Variants in AGBL1 observed in about 807,000 individuals in gnomAD.
The protein encoded by AGBL1 is AGBL carboxypeptidase 1, also known as cytosolic carboxypeptidase 4.
A neutral mutation model predicts 118.9 loss-of-function variants in AGBL1; 130 were observed. That is an observed-to-expected ratio of 1.09 (90% CI 0.95 to 1.26). The LOEUF (loss-of-function observed/expected upper bound fraction) is 1.26. Ranked by LOEUF, AGBL1 falls within the 50% of genes most tolerant of loss-of-function variation. The probability of loss-of-function intolerance (pLI) is 0.00; values close to 1 mark genes in which losing one functional copy is unlikely to be tolerated. For missense variants in AGBL1, 1,584 were observed against 1,298.1 expected (o/e 1.22, Z -3.38); for synonymous variants, 555 against 478.9 (o/e 1.16, Z -2.08).
At chr15:86,358,493 G>T (rs1038569098) in intron 17 of AGBL1, among the ~76,000 whole-genome samples, 3 of 151,994 alleles carry the variant, frequency 2.0e-5, no homozygotes, top group African/African-American at 7.2e-5. Flanking sequence ...TAAACATGGG[G>T]GTGCAGATAT....
At chr15:86,686,631 G>T (rs781576722) in intron 22 of AGBL1, among the ~76,000 whole-genome samples, 1 of 151,798 alleles carries the variant, frequency 6.6e-6, no homozygotes. Flanking sequence ...TAGATACAAG[G>T]TTTCACCATG....
intron 22 of AGBL1, among the ~76,000 whole-genome samples, chr15:86,824,855 C>G (rs896829075): frequency 1.2e-4 from 19 of 152,084 alleles, no homozygotes; most frequent in Admixed American, 1.2e-3. Context: ...GTCAGGAGTT[C>G]AAGAGCAGCC....
chr15:86,730,225 C>G (rs1428756740), intron 22 of AGBL1, among the ~76,000 whole-genome samples: 1 of 152,014 alleles, frequency 6.6e-6, no homozygotes, highest in Non-Finnish European at 1.5e-5. Context: ...ACCAAGTCTT[C>G]AAAAGCAATT....
intron 5 of AGBL1, among the ~76,000 whole-genome samples, chr15:86,203,084 G>A (rs1338097877): frequency 6.6e-6 from 1 of 151,898 alleles, no homozygotes; most frequent in Non-Finnish European, 1.5e-5. Context: ...ATCTGTCTCT[G>A]AAAATAAAAA....
intron 18 of AGBL1, among the ~76,000 whole-genome samples, chr15:86,506,374 C>A (rs796592249): frequency 2.6e-5 from 4 of 151,978 alleles, no homozygotes; most frequent in African/African-American, 9.6e-5. Flanking sequence ...CATTGGTTGC[C>A]CAACAGTTTT....
chr15:86,874,635 G>C (rs1181417519), intron 22 of AGBL1, among the ~76,000 whole-genome samples: 1 of 152,128 alleles, frequency 6.6e-6, no homozygotes, highest in Non-Finnish European at 1.5e-5. Context: ...ATCCCTCTAT[G>C]TGGAGTAAGG....
chr15:86,987,320 A>G lies in AGBL1; in HGVS notation c.3222-667A>G, dbSNP rs961534809. Among the ~76,000 whole-genome samples the G allele has an allele frequency of 1.3e-5, 2 of 152,176 alleles. 1 individual carries two copies. The highest frequency in any genetic ancestry group is 1.3e-4 in the Admixed American group (2 of 15,280). On this transcript the variant is annotated intron_variant, in intron 23 of 24. Transcript: ENST00000441037. ...TTACAATTGCTATTGCTAGTACATA[A>G]AAAGACAGTTGATTTTTGTACATTG...
At chr15:86,229,515 G>A (rs1375728966) in intron 6 of AGBL1, among the ~76,000 whole-genome samples, 1 of 152,074 alleles carries the variant, frequency 6.6e-6, no homozygotes, top group African/African-American at 2.4e-5. Context: ...AGATTTGGGC[G>A]GGGACACAGC....
At chr15:86,427,962 A>T (rs1489675054) in intron 18 of AGBL1, among the ~76,000 whole-genome samples, 2 of 152,208 alleles carry the variant, frequency 1.3e-5, no homozygotes, top group Non-Finnish European at 2.9e-5. Flanking sequence ...GAGAAGTAAC[A>T]TACAAAATGG....
In AGBL1 at chr15:86,573,568, C is replaced by G. The variant is rs148262382; in HGVS notation, c.2994+19031C>G. Among the ~76,000 whole-genome samples the G allele has an allele frequency of 7.5e-4, 114 of 152,222 alleles. 1 individual carries two copies. Among genetic ancestry groups the G allele is most frequent in the Admixed American group, 6.0e-3 (91 of 15,292 alleles). On this transcript the variant is annotated intron_variant, in intron 21 of 22. Transcript: ENST00000614907. ...GGAAGTCCTTGATTTTTCTTTTATC[C>G]TAGTTGTCTTTCATCCTACTTCCTC... is the stretch of plus-strand genomic sequence containing the variant.
intron 20 of AGBL1, 24 bp from the exon 21 acceptor site, chr15:86,554,337 G>A (rs769799229): frequency 2.0e-5 from 30 of 1,530,428 alleles, no homozygotes; most frequent in Middle Eastern, 1.7e-4. Context: ...ACTAATCATC[G>A]TTTGATTTTT....
At chr15:86,751,558 C>A (rs1216912766) in intron 22 of AGBL1, among the ~76,000 whole-genome samples, 4 of 152,028 alleles carry the variant, frequency 2.6e-5, no homozygotes, top group Non-Finnish European at 2.9e-5. Flanking sequence ...AGCTTCTGCA[C>A]AGAAAAAGAA....
intron 5 of AGBL1, among the ~76,000 whole-genome samples, chr15:86,165,325 T>C (rs1038224413): frequency 2.0e-5 from 3 of 152,164 alleles, no homozygotes; most frequent in Admixed American, 6.5e-5. Flanking sequence ...TTTCTGGTGA[T>C]TTCATCTGCA....
At chr15:86,227,959 G>A (rs947855530) in intron 6 of AGBL1, among the ~76,000 whole-genome samples, 1 of 152,170 alleles carries the variant, frequency 6.6e-6, no homozygotes, top group Non-Finnish European at 1.5e-5. Flanking sequence ...GCAAGAAAGA[G>A]GACTTCATTT....
intron 1 of AGBL1, among the ~76,000 whole-genome samples, chr15:86,141,484 T>C (rs1259464748): frequency 6.6e-6 from 1 of 152,116 alleles, no homozygotes; most frequent in Non-Finnish European, 1.5e-5. Context: ...AACTTGTCTC[T>C]ACTAAAAACA....
chr15:86,268,193 C>T, intron 13 of AGBL1, among the ~76,000 whole-genome samples: 2 of 152,184 alleles, frequency 1.3e-5, no homozygotes, highest in South Asian at 2.1e-4. Flanking sequence ...GAAGTTCTTC[C>T]TCTTTGGGGG....
At chr15:86,441,447 G>A (rs2082063540) in intron 18 of AGBL1, among the ~76,000 whole-genome samples, 1 of 152,162 alleles carries the variant, frequency 6.6e-6, no homozygotes, top group Non-Finnish European at 1.5e-5. Flanking sequence ...AGCACACATA[G>A]TGGACTGCTT....
chr15:86,384,926 T>G (rs2081161899), intron 17 of AGBL1, among the ~76,000 whole-genome samples: 1 of 152,162 alleles, frequency 6.6e-6, no homozygotes, highest in Non-Finnish European at 1.5e-5. Context: ...TGTTATTCAT[T>G]TTCTCAGTGT....
chr15:86,231,936 C>T (rs1038074216), intron 6 of AGBL1, among the ~76,000 whole-genome samples: 1 of 152,172 alleles, frequency 6.6e-6, no homozygotes, highest in Non-Finnish European at 1.5e-5. Context: ...TGGTCCATGC[C>T]TTGTAGGCAT....
Sources: gnomAD v4.1 joint callset for allele counts (sites outside exome capture counted in the v4.1 genomes callset) on GRCh38, gnomAD v4.1.1 for gene constraint, MANE v1.5 for transcripts, NCBI Gene and HGNC (gene_info 2026-07-23, HGNC 2026-07-21) for gene names.